Variants in CDH13 observed in about 807,000 individuals in gnomAD.
CDH13 encodes cadherin-13.
Under a neutral mutation model 63.8 loss-of-function variants are expected in CDH13, and 24 were observed. The observed-to-expected ratio is 0.38, with a 90% CI of 0.27 to 0.53. The LOEUF is 0.53. Among genes scored for constraint, CDH13 ranks in the 20% least tolerant of loss-of-function variants. The pLI is 0.85. For missense variants in CDH13, 1,049 were observed against 903.1 expected, an observed-to-expected ratio of 1.16 and a Z score of -2.07; for synonymous variants, 503 against 355.3, an observed-to-expected ratio of 1.42 and a Z score of -4.67.
chr16:83,068,622 C>A (rs557954106), intron 3 of CDH13, among the ~76,000 whole-genome samples: 1 of 152,306 alleles, frequency 6.6e-6, no homozygotes, highest in East Asian at 1.9e-4. Flanking sequence ...CCTTTGCCAT[C>A]ACCAAACATA....
intron 2 of CDH13, among the ~76,000 whole-genome samples, chr16:82,889,396 A>T (rs1268908679): frequency 2.0e-5 from 3 of 152,144 alleles, no homozygotes; most frequent in African/African-American, 7.2e-5. Flanking sequence ...TTCTTGCTTC[A>T]CAAATGACTT....
intron 2 of CDH13, among the ~76,000 whole-genome samples, chr16:82,877,598 A>G (rs1192118342): frequency 2.0e-5 from 3 of 152,166 alleles, no homozygotes; most frequent in Non-Finnish European, 4.4e-5. Flanking sequence ...CATATTTTGA[A>G]GTTAAGTAAG....
chr16:83,692,177 C>A (rs1258850993), intron 10 of CDH13, among the ~76,000 whole-genome samples: 1 of 152,206 alleles, frequency 6.6e-6, no homozygotes, highest in Non-Finnish European at 1.5e-5. Context: ...TTCTGTTTTT[C>A]AGAATAAAAT....
intron 8 of CDH13, among the ~76,000 whole-genome samples, chr16:83,622,129 C>G (rs1219529768): frequency 1.3e-5 from 2 of 152,208 alleles, no homozygotes; most frequent in African/African-American, 4.8e-5. Flanking sequence ...GTTCGAGATG[C>G]TTTGGGAACT....
intron 1 of CDH13, chr16:82,823,174 C>A (rs1233258856): frequency 2.6e-5 from 4 of 152,164 alleles, no homozygotes; most frequent in African/African-American, 9.7e-5. Context: ...AGAAGGCACA[C>A]AGTGTCACCT....
intron 10 of CDH13, among the ~76,000 whole-genome samples, chr16:83,745,751 C>T (rs1303502160): frequency 6.6e-6 from 1 of 152,224 alleles, no homozygotes; most frequent in Non-Finnish European, 1.5e-5. Context: ...GGCAGTTCTT[C>T]TTCTCCTTGG....
intron 2 of CDH13, among the ~76,000 whole-genome samples, chr16:82,928,820 G>T (rs2042387266): frequency 6.6e-6 from 1 of 152,194 alleles, no homozygotes; most frequent in Non-Finnish European, 1.5e-5. Flanking sequence ...GGAGATTGGG[G>T]TGACCAGTGT....
chr16:83,347,471 A>G (rs981090355), intron 6 of CDH13, among the ~76,000 whole-genome samples: 7 of 152,146 alleles, frequency 4.6e-5, no homozygotes, highest in Non-Finnish European at 7.3e-5. Context: ...CCTTCAAATC[A>G]TATGCTCTTT....
At chr16:83,240,220 G>A (rs1420993928) in intron 5 of CDH13, among the ~76,000 whole-genome samples, 1 of 152,118 alleles carries the variant, frequency 6.6e-6, no homozygotes, top group Non-Finnish European at 1.5e-5. Context: ...CCTGGAAGTA[G>A]GTGCAAAGAT....
intron 5 of CDH13, among the ~76,000 whole-genome samples, chr16:83,241,410 G>T (rs1456685634): frequency 1.3e-5 from 2 of 152,136 alleles, no homozygotes; most frequent in Non-Finnish European, 2.9e-5. Context: ...CCTCCATGTT[G>T]TTTTCTATAA....
intron 2 of CDH13, among the ~76,000 whole-genome samples, chr16:82,881,451 T>G (rs766443610): frequency 1.2e-4 from 18 of 152,114 alleles, no homozygotes; most frequent in Non-Finnish European, 2.9e-5. Context: ...TGGTCCTGAG[T>G]TGGGGCAAGG....
At chr16:83,323,349 C>G (rs2090283954) in intron 5 of CDH13, among the ~76,000 whole-genome samples, 1 of 149,256 alleles carries the variant, frequency 6.7e-6, no homozygotes, top group Non-Finnish European at 1.5e-5. Context: ...GATCTTAGTT[C>G]ACTGCAAGCT....
At chr16:83,003,508 G>A (rs966355659) in intron 2 of CDH13, among the ~76,000 whole-genome samples, 6 of 152,006 alleles carry the variant, frequency 3.9e-5, no homozygotes, top group African/African-American at 1.4e-4. Flanking sequence ...TATCATTGAT[G>A]CAGCTACTGA....
intron 5 of CDH13, among the ~76,000 whole-genome samples, chr16:83,274,915 G>C (rs2088938138): frequency 1.3e-5 from 2 of 152,114 alleles, no homozygotes; most frequent in African/African-American, 4.8e-5. Context: ...TTCCATTTAG[G>C]TGTGTTCAAA....
chr16:83,174,705 G>C (rs1020062865), intron 4 of CDH13, among the ~76,000 whole-genome samples: 3 of 152,032 alleles, frequency 2.0e-5, no homozygotes, highest in African/African-American at 7.2e-5. Context: ...AGACATACCT[G>C]AGATTAGGTA....
Position 83,748,101 on chromosome 16 carries a change from T to C in CDH13, c.1539-7T>C. 1.9e-6 allele frequency: 3 copies of C among 1,613,928 alleles called. No individual in the cohort carries two copies. In the South Asian group the frequency reaches 3.3e-5, roughly 18 times the overall value. On this transcript the variant is annotated splice_polypyrimidine_tract_variant and splice_region_variant and intron_variant, in intron 10 of 13. Coordinates refer to ENST00000567109, the MANE Select transcript of CDH13 (RefSeq NM_001257.5). ...GCAGAGTCTGACATTGTGGGGATTT[T>C]TTTCAGGTATTCTGTTTACAAGGAC... is the stretch of plus-strand genomic sequence containing the variant.
chr16:83,552,792 T>A (rs2075530766), intron 7 of CDH13, among the ~76,000 whole-genome samples: 1 of 152,106 alleles, frequency 6.6e-6, no homozygotes, highest in Admixed American at 6.5e-5. Flanking sequence ...TTCAAAGACG[T>A]GGTTATTGGC....
At chr16:83,252,107 T>TACAC (rs149781230) in intron 5 of CDH13, among the ~76,000 whole-genome samples, 2,543 of 135,920 alleles carry the variant, frequency 0.019, 85 homozygotes, top group African/African-American at 0.064. Flanking sequence ...ATATATATTA[T>TACAC]ACACACACAC....
intron 6 of CDH13, among the ~76,000 whole-genome samples, chr16:83,480,287 A>G (rs2073728052): frequency 6.6e-6 from 1 of 152,154 alleles, no homozygotes; most frequent in Admixed American, 6.5e-5. Context: ...CTGCGCTCCA[A>G]CCTAGGTGAC....
Sources: allele counts gnomAD v4.1 joint callset (sites outside exome capture counted in the v4.1 genomes callset), GRCh38; gene constraint gnomAD v4.1.1; transcripts MANE v1.5; gene names NCBI Gene and HGNC (gene_info 2026-07-23, HGNC 2026-07-21).